The following EML5 variants were observed in gnomAD, a reference collection of about 807,000 sequenced individuals.
The protein encoded by EML5 is EMAP like 5.
Under a neutral mutation model 250.0 loss-of-function variants are expected in EML5, and 120 were observed. The ratio of observed to expected loss-of-function variants is 0.48; its 90% CI spans 0.41 to 0.56. EML5 has a LOEUF of 0.56. Ranked by LOEUF, EML5 falls within the 20% of genes least tolerant of loss-of-function variation. The pLI, the probability that EML5 is intolerant of heterozygous loss-of-function variation, is 0.00. For synonymous variants in EML5, 771 were observed against 806.5 expected, an observed-to-expected ratio of 0.96 and a Z score of 0.75; for missense variants, 2,006 against 2,437.6, an observed-to-expected ratio of 0.82 and a Z score of 3.73.
At chr14:88,704,363 T>A (rs1303693075) in intron 13 of EML5, among the ~76,000 whole-genome samples, 1 of 152,220 alleles carries the variant, frequency 6.6e-6, no homozygotes, top group East Asian at 1.9e-4. Context: ...GCTGAGCAGA[T>A]GCTGGTGCCC....
chr14:88,662,964 G>A lies in EML5; in HGVS notation c.3498+67C>T, dbSNP rs374722396. On this transcript the variant is annotated intron_variant, in intron 24 of 43. Coordinates refer to ENST00000554922, the MANE Select transcript of EML5 (RefSeq NM_183387.3). Reference sequence around the variant, plus strand: ...TTCACGTGTAACTAAACGATAGAAAGTAGGTATCAGTTTTCTAGCCACTTT... The same window carrying A: ...TTCACGTGTAACTAAACGATAGAAAATAGGTATCAGTTTTCTAGCCACTTT... 55 of 1,133,422 alleles carry A rather than the reference G, an allele frequency of 4.9e-5. No individual in the cohort carries two copies. In the East Asian group the frequency reaches 1.3e-3, roughly 28 times the overall value. 70.2% of individuals were successfully genotyped at this position (1,133,422 alleles called of 1,614,324 possible). A position where few individuals can be genotyped will look rare whatever the true frequency, so the allele number is the denominator to read the frequency against.
chr14:88,643,614 T>C (rs1316783372), intron 30 of EML5, among the ~76,000 whole-genome samples: 1 of 152,184 alleles, frequency 6.6e-6, no homozygotes, highest in Non-Finnish European at 1.5e-5. Context: ...ACTGTATTTT[T>C]TGTGTCCAAA....
In EML5 at chr14:88,657,367, AATT is replaced by A; in HGVS notation, c.4004+6_4004+8del. The A allele has an allele frequency of 1.3e-6, 2 of 1,551,508 alleles. No individual in the cohort carries two copies. Among genetic ancestry groups the A allele is most frequent in the Non-Finnish European group, 8.7e-7 (1 of 1,148,072 alleles). Reference sequence around the variant, plus strand: ...TTTTTCTTCATCTAATACTAAACTAAATTATTACCTTTCATCAATTGAGGGTTC... The same window carrying A: ...TTTTTCTTCATCTAATACTAAACTAAATTACCTTTCATCAATTGAGGGTTC... On this transcript the variant is annotated splice_donor_region_variant and intron_variant, in intron 27 of 43. Transcript: ENST00000554922.
intron 29 of EML5, among the ~76,000 whole-genome samples, chr14:88,646,648 AT>A (rs1286848889): frequency 6.6e-6 from 1 of 152,180 alleles, no homozygotes; most frequent in Admixed American, 6.5e-5. Context: ...ATTTAAGCAT[AT>A]TTTAATTTTT....
At position 88,675,832 on chromosome 14, in the gene EML5, A is replaced by G. The variant is rs549227521; in HGVS notation, c.3124+6058T>C. On this transcript the variant is annotated intron_variant, in intron 21 of 43. Coordinates refer to ENST00000554922, the MANE Select transcript of EML5 (RefSeq NM_183387.3). ...AATTTGTTGCTTAGAAATTTCTTCT[A>G]CTAGATACCCTAAATCATCTCCCTC... is the stretch of plus-strand genomic sequence containing the variant. Among the ~76,000 whole-genome samples the G allele has an allele frequency of 6.6e-5, 10 of 152,288 alleles. No homozygotes were observed. The South Asian group carries it at 1.7e-3, about 25-fold the overall frequency.
At chr14:88,761,584 T>C (rs188423119) in intron 1 of EML5, among the ~76,000 whole-genome samples, 99 of 152,348 alleles carry the variant, frequency 6.5e-4, no homozygotes, top group African/African-American at 2.3e-3. Context: ...ATTTTCTTTA[T>C]CCAGTCTATC....
chr14:88,654,178 CTTT>C (rs1475674548), intron 27 of EML5, among the ~76,000 whole-genome samples: 2 of 151,916 alleles, frequency 1.3e-5, no homozygotes, highest in Non-Finnish European at 2.9e-5. Context: ...CTCTTTTCTT[CTTT>C]ATTAGTCTGG....
At chr14:88,718,822 T>C (rs1410956544) in intron 8 of EML5, among the ~76,000 whole-genome samples, 1 of 152,162 alleles carries the variant, frequency 6.6e-6, no homozygotes, top group African/African-American at 2.4e-5. Context: ...CATGTTCTAA[T>C]AGGGCTCTTT....
chr14:88,703,658 A>ACGAATG (rs1358257717), intron 13 of EML5, among the ~76,000 whole-genome samples: 1 of 152,176 alleles, frequency 6.6e-6, no homozygotes, highest in Non-Finnish European at 1.5e-5. Context: ...AGGTAAGAAA[A>ACGAATG]CGAATGCTGG....
chr14:88,642,788 A>G (rs991717423), intron 31 of EML5, 105 bp downstream of exon 31: 5 of 1,080,690 alleles, frequency 4.6e-6, no homozygotes, highest in Non-Finnish European at 6.6e-6. Flanking sequence ...TGTTTCTCCT[A>G]CATTTCAATT....
At chr14:88,655,996 G>C (rs1246580087) in intron 27 of EML5, among the ~76,000 whole-genome samples, 1 of 152,204 alleles carries the variant, frequency 6.6e-6, no homozygotes, top group African/African-American at 2.4e-5. Context: ...TGGAGAAACA[G>C]CAATGCTTTT....
chr14:88,666,175 C>T (rs936595638), intron 21 of EML5, among the ~76,000 whole-genome samples: 1 of 152,092 alleles, frequency 6.6e-6, no homozygotes, highest in African/African-American at 2.4e-5. Flanking sequence ...TAGGTTTTAC[C>T]TTTGTAGCTT....
chr14:88,787,700 C>A (rs1437073066), intron 1 of EML5, among the ~76,000 whole-genome samples: 2 of 152,158 alleles, frequency 1.3e-5, no homozygotes, highest in African/African-American at 4.8e-5. Flanking sequence ...AAAATGAAAT[C>A]TTACCAAATA....
chr14:88,748,610 A>G (rs1034436130), intron 2 of EML5, among the ~76,000 whole-genome samples: 1 of 152,200 alleles, frequency 6.6e-6, no homozygotes, highest in Non-Finnish European at 1.5e-5. Context: ...GGAAAATGTG[A>G]CTAATAACCT....
chr14:88,787,645 A>G (rs1369813360), intron 1 of EML5, among the ~76,000 whole-genome samples: 3 of 152,242 alleles, frequency 2.0e-5, no homozygotes, highest in African/African-American at 7.2e-5. Context: ...CCCTTAAATT[A>G]TGCAATATTT....
chr14:88,626,761 A>G (rs1028499964), intron 35 of EML5, 77 bp downstream of exon 35: 27 of 1,428,882 alleles, frequency 1.9e-5, no homozygotes, highest in Admixed American at 5.7e-5. Flanking sequence ...TCTCAACAAC[A>G]TTCATGTGGC....
At chr14:88,776,320 G>A (rs1047059179) in intron 1 of EML5, among the ~76,000 whole-genome samples, 1 of 152,134 alleles carries the variant, frequency 6.6e-6, no homozygotes, top group Non-Finnish European at 1.5e-5. Context: ...CTTTCAGAAA[G>A]AGACTTCAAA....
intron 7 of EML5, among the ~76,000 whole-genome samples, chr14:88,727,823 A>G (rs1270036042): frequency 6.6e-6 from 1 of 152,222 alleles, no homozygotes; most frequent in Non-Finnish European, 1.5e-5. Context: ...TTATGTACAT[A>G]CAGTCTAGTG....
chr14:88,665,385 A>T lies in EML5; in HGVS notation c.3229T>A (p.Ser1077Thr). 6.2e-7 allele frequency: 1 copy of T among 1,613,920 alleles called. No individual in the cohort carries two copies. The highest frequency in any genetic ancestry group is 8.5e-7 in the Non-Finnish European group (1 of 1,179,852). The change falls in exon 22 of 44, where the codon TCT becomes ACT. Residue 1077 changes from serine to threonine, a missense_variant. This residue lies in a region of EML5 where 1,375 missense variants were observed against 1,590.3 expected (regional missense o/e 0.86). Coordinates refer to ENST00000554922, the MANE Select transcript of EML5 (RefSeq NM_183387.3). ...ATCATATCTTTTCTGTGATGAAAAG[A>T]CACAAGATCCTCTAGAGTATCCGCA... ...ANADTLEDLV[S>T]FHHRKDMISD...
Sources: gnomAD v4.1 joint callset for allele counts (sites outside exome capture counted in the v4.1 genomes callset) on GRCh38, gnomAD v4.1.1 for gene constraint, gnomAD v4.1.1 regional missense constraint, MANE v1.5 for transcripts, NCBI Gene and HGNC (gene_info 2026-07-23, HGNC 2026-07-21) for gene names.